Variants in EML4 observed in about 807,000 individuals in gnomAD.
EML4 encodes echinoderm microtubule-associated protein-like 4.
In EML4, 72 loss-of-function variants were observed where a neutral mutation model predicts 129.0. That is an observed-to-expected ratio of 0.56 (90% CI 0.46 to 0.68). EML4 has a LOEUF of 0.68. EML4 is among the 30% of genes least tolerant of loss of function. The probability of loss-of-function intolerance (pLI) is 0.00; values close to 1 mark genes in which losing one functional copy is unlikely to be tolerated. For synonymous variants in EML4, 532 were observed against 405.0 expected, an observed-to-expected ratio of 1.31 and a Z score of -3.77; for missense variants, 1,363 against 1,190.6, an observed-to-expected ratio of 1.14 and a Z score of -2.13.
rs199849295 is a variant in EML4, at chr2:42,301,245, A to G, written c.1494A>G (p.Val498=). 4 of 1,610,622 alleles carry G rather than the reference A, an allele frequency of 2.5e-6. No homozygotes were observed. The highest frequency in any genetic ancestry group is 1.7e-5 in the Admixed American group (1 of 59,382). The part of the protein sequence containing the change: ...EPTPGKGPKG[V]YQISKQIKAH... Reference sequence around the variant, plus strand: ...TTTATTTTTCCCTCATATTAGGTGTATATCAAATCAGCAAACAAATCAAAG... The same window carrying G: ...TTTATTTTTCCCTCATATTAGGTGTGTATCAAATCAGCAAACAAATCAAAG... The change falls in exon 14 of 23, where the codon GTA becomes GTG. Residue 498 remains valine, a synonymous_variant. Coordinates refer to ENST00000318522, the MANE Select transcript of EML4 (RefSeq NM_019063.5).
intron 1 of EML4, among the ~76,000 whole-genome samples, chr2:42,217,116 A>C (rs780284370): frequency 1.3e-5 from 2 of 152,220 alleles, no homozygotes; most frequent in Non-Finnish European, 2.9e-5. Flanking sequence ...TAAATTTTTT[A>C]TTTAAAGTTT....
At chr2:42,230,230 T>C (rs775680689) in intron 1 of EML4, among the ~76,000 whole-genome samples, 2 of 152,194 alleles carry the variant, frequency 1.3e-5, no homozygotes, top group African/African-American at 2.4e-5. Context: ...AGTGTGATGC[T>C]TTGCAGGTGT....
In EML4 at chr2:42,295,389, A is replaced by G. The variant is rs752032775; in HGVS notation, c.1362A>G (p.Glu454=). 18 of 1,610,002 alleles carry G rather than the reference A, an allele frequency of 1.1e-5. No homozygotes were observed. The Admixed American group carries it at 2.5e-4, about 23-fold the overall frequency. Residue 454 remains glutamate, a synonymous_variant, in exon 13 of 23, where the codon GAA becomes GAG. Coordinates refer to ENST00000318522, the MANE Select transcript of EML4 (RefSeq NM_019063.5). ...TTATTGTTTCCTTGTAGAAATATGA[A>G]AAGCCAAAATTTGTGCAGTGTTTAG... is the stretch of plus-strand genomic sequence containing the variant. ...TRKQGIFGKY[E]KPKFVQCLAF... is the part of the protein sequence containing the mutation.
At chr2:42,327,946 GGTT>G (rs1241217525) in intron 21 of EML4, among the ~76,000 whole-genome samples, 2 of 152,118 alleles carry the variant, frequency 1.3e-5, no homozygotes, top group African/African-American at 4.8e-5. Flanking sequence ...CATTATAGGT[GGTT>G]GTTCTAAACA....
chr2:42,289,818 A>G (rs1160850064), intron 11 of EML4: 1 of 151,046 alleles, frequency 6.6e-6, no homozygotes, highest in African/African-American at 2.4e-5. Context: ...CTGTAATCTC[A>G]GCACTTTGGG....
chr2:42,267,649 A>T (rs1666135899), intron 6 of EML4, among the ~76,000 whole-genome samples: 1 of 152,226 alleles, frequency 6.6e-6, no homozygotes, highest in Non-Finnish European at 1.5e-5. Flanking sequence ...CTTAGGCAGA[A>T]GTCAGGAAAC....
At chr2:42,267,260 A>G (rs1666112846) in intron 6 of EML4, among the ~76,000 whole-genome samples, 1 of 152,214 alleles carries the variant, frequency 6.6e-6, no homozygotes, top group South Asian at 2.1e-4. Flanking sequence ...AAAACCTTGC[A>G]CTCAGATTTG....
At position 42,301,350 on chromosome 2, in the gene EML4, A is replaced by G. The variant is rs1668276015; in HGVS notation, c.1599A>G (p.Ile533Met). 1.2e-6 allele frequency: 2 copies of G among 1,612,984 alleles called. No homozygotes were observed. Among genetic ancestry groups the G allele is most frequent in the African/African-American group, 2.7e-5 (2 of 74,878 alleles). ...LLTGGGKDRK[I>M]ILWDHDLNPE... ...CTGGAGGAGGGAAAGACAGAAAAAT[A>G]ATTCTGTGGGATCATGATCTGAATC... Residue 533 changes from isoleucine to methionine, a missense_variant, in exon 14 of 23, where the codon ATA becomes ATG. Coordinates refer to ENST00000318522, the MANE Select transcript of EML4 (RefSeq NM_019063.5).
At chr2:42,263,594 G>A (rs1353130664) in intron 5 of EML4, among the ~76,000 whole-genome samples, 1 of 151,430 alleles carries the variant, frequency 6.6e-6, no homozygotes, top group Admixed American at 6.6e-5. Context: ...TAGTAGAGAC[G>A]GGGTTTCACC....
rs577138437 is a variant in EML4, at chr2:42,331,408, A to ATT, written c.*1208_*1209dup. Reference sequence around the variant, plus strand: ...TGCATGTATTATGCATTGGAAAGGTATTTTTTTTAAGTTCTGTTGGCTAGC... The same window carrying ATT: ...TGCATGTATTATGCATTGGAAAGGTATTTTTTTTTTAAGTTCTGTTGGCTAGC... On this transcript the variant is annotated 3_prime_UTR_variant, in exon 23 of 23. Transcript: ENST00000318522. The ATT allele has an allele frequency of 1.3e-5, 3 of 223,398 alleles. No homozygotes were observed. The highest frequency in any genetic ancestry group is 6.7e-5 in the African/African-American group (3 of 44,790). The allele number at this position is 223,398 out of a possible 1,614,324, so 13.8% of individuals were successfully genotyped here.
At chr2:42,195,580 T>C (rs2103928070) in intron 1 of EML4, among the ~76,000 whole-genome samples, 1 of 152,326 alleles carries the variant, frequency 6.6e-6, no homozygotes, top group Admixed American at 6.5e-5. Flanking sequence ...TGTGCCAATA[T>C]ATAGACCATT....
At chr2:42,248,988 G>T (rs1268294833) in intron 2 of EML4, among the ~76,000 whole-genome samples, 1 of 152,028 alleles carries the variant, frequency 6.6e-6, no homozygotes, top group African/African-American at 2.4e-5. Flanking sequence ...TAATGTTATT[G>T]GCAACTCTGA....
intron 21 of EML4, among the ~76,000 whole-genome samples, chr2:42,328,617 C>A (rs918089831): frequency 1.3e-5 from 2 of 152,076 alleles, no homozygotes; most frequent in African/African-American, 4.8e-5. Context: ...TTATTAGCAC[C>A]ACCTGCTGGT....
intron 1 of EML4, among the ~76,000 whole-genome samples, chr2:42,182,584 C>A (rs1671013028): frequency 6.6e-6 from 1 of 152,056 alleles, no homozygotes; most frequent in Non-Finnish European, 1.5e-5. Context: ...GGGGAGACAC[C>A]TAATCATTTT....
intron 1 of EML4, among the ~76,000 whole-genome samples, chr2:42,177,278 C>T (rs1670661432): frequency 6.6e-6 from 1 of 150,750 alleles, no homozygotes; most frequent in Admixed American, 6.6e-5. Context: ...AAAGAAATGA[C>T]ATTTGAAGAC....
At chr2:42,306,972 G>C (rs1200179030) in intron 17 of EML4, among the ~76,000 whole-genome samples, 1 of 152,118 alleles carries the variant, frequency 6.6e-6, no homozygotes, top group Non-Finnish European at 1.5e-5. Context: ...TACTCTTTGA[G>C]ATATTTACAG....
At position 42,308,043 on chromosome 2, in the gene EML4, C is replaced by G. The variant is rs529670289; in HGVS notation, c.1967+3492C>G. ...TAGTAAAAAAAAGTAATGATGTCTTCATGTCCAGATCTAGATATCTTCTAC... is the reference window on the plus strand; with the variant it reads ...TAGTAAAAAAAAGTAATGATGTCTTGATGTCCAGATCTAGATATCTTCTAC... On this transcript the variant is annotated intron_variant, in intron 17 of 22. Transcript: ENST00000318522. 2.6e-5 allele frequency among the ~76,000 whole-genome samples: 4 copies of G among 152,344 alleles called. No homozygotes were observed. The South Asian group carries it at 8.3e-4, about 32-fold the overall frequency.
intron 1 of EML4, among the ~76,000 whole-genome samples, chr2:42,236,295 T>C (rs1384185194): frequency 6.6e-6 from 1 of 152,244 alleles, no homozygotes; most frequent in Non-Finnish European, 1.5e-5. Flanking sequence ...CTGTTGGTTG[T>C]TAATATCACA....
intron 1 of EML4, among the ~76,000 whole-genome samples, chr2:42,190,000 T>C (rs1671493527): frequency 6.9e-6 from 1 of 144,574 alleles, no homozygotes; most frequent in African/African-American, 2.5e-5. Flanking sequence ...AATTGGGCTC[T>C]TTTTTTTTTT....
Sources: allele counts gnomAD v4.1 joint callset (sites outside exome capture counted in the v4.1 genomes callset), GRCh38; gene constraint gnomAD v4.1.1; transcripts MANE v1.5; gene names NCBI Gene and HGNC (gene_info 2026-07-23, HGNC 2026-07-21).